MACROD2: variants seen among roughly 807,000 people sequenced by gnomAD.
The protein encoded by MACROD2 is mono-ADP ribosylhydrolase 2.
MACROD2 carries 36 observed loss-of-function variants against 70.4 expected under a neutral mutation model. The observed-to-expected ratio is 0.51, with a 90% CI of 0.39 to 0.68. The LOEUF (loss-of-function observed/expected upper bound fraction) is 0.68. Among genes scored for constraint, MACROD2 ranks in the 30% least tolerant of loss-of-function variants. The probability of loss-of-function intolerance (pLI) is 0.00; values close to 1 mark genes in which losing one functional copy is unlikely to be tolerated. For missense variants in MACROD2, 496 were observed against 538.4 expected (o/e 0.92, Z 0.78); for synonymous variants, 172 against 178.8 (o/e 0.96, Z 0.30).
intron 5 of MACROD2, among the ~76,000 whole-genome samples, chr20:15,106,802 C>T (rs188937382): frequency 2.0e-4 from 31 of 152,056 alleles, no homozygotes; most frequent in African/African-American, 7.5e-4. Context: ...AAATATATCT[C>T]TTGAATTACA....
intron 5 of MACROD2, among the ~76,000 whole-genome samples, chr20:14,857,401 T>C (rs1438264890): frequency 6.6e-6 from 1 of 152,206 alleles, no homozygotes; most frequent in East Asian, 1.9e-4. Context: ...TTCTCATGTA[T>C]GCTGGGAGAT....
intron 3 of MACROD2, among the ~76,000 whole-genome samples, chr20:14,336,544 A>C (rs1266798038): frequency 1.3e-5 from 2 of 152,138 alleles, no homozygotes; most frequent in Admixed American, 6.6e-5. Context: ...AGATTTTCCT[A>C]TTATAAGTTG....
chr20:14,276,004 T>C (rs1158882867), intron 3 of MACROD2, among the ~76,000 whole-genome samples: 1 of 151,812 alleles, frequency 6.6e-6, no homozygotes, highest in African/African-American at 2.4e-5. Flanking sequence ...TGTGGAGAAA[T>C]AGGAACACTT....
At chr20:15,494,331 A>G (rs79992388) in intron 7 of MACROD2, among the ~76,000 whole-genome samples, 1 of 152,122 alleles carries the variant, frequency 6.6e-6, no homozygotes, top group Non-Finnish European at 1.5e-5. Context: ...CTGGATATAT[A>G]CTCAACAGAA....
At chr20:14,745,973 C>G (rs1291191988) in intron 5 of MACROD2, among the ~76,000 whole-genome samples, 1 of 152,156 alleles carries the variant, frequency 6.6e-6, no homozygotes, top group Non-Finnish European at 1.5e-5. Flanking sequence ...TCTGAAGGAA[C>G]AGTTTGAAGA....
intron 8 of MACROD2, among the ~76,000 whole-genome samples, chr20:15,813,064 A>G (rs976532923): frequency 1.3e-5 from 2 of 152,088 alleles, no homozygotes. Context: ...TATTTTTCCT[A>G]TATATTTTAT....
At chr20:14,661,745 C>A (rs1451171460) in intron 4 of MACROD2, among the ~76,000 whole-genome samples, 1 of 151,812 alleles carries the variant, frequency 6.6e-6, no homozygotes, top group African/African-American at 2.4e-5. Flanking sequence ...TTCCAATATT[C>A]CTATATTTTA....
chr20:15,080,325 G>A lies in MACROD2; in HGVS notation c.419-149615G>A, dbSNP rs146777605. On this transcript the variant is annotated intron_variant, in intron 5 of 17. Transcript: ENST00000684519. ...CTTGTTAAAGTCAATGTTAAAGTCA[G>A]CGATGAGTTCCCTCTTACCAAATAC... Among the ~76,000 whole-genome samples the A allele has an allele frequency of 1.3e-3, 202 of 152,154 alleles. 1 individual carries two copies. Among genetic ancestry groups the A allele is most frequent in the African/African-American group, 4.4e-3 (183 of 41,546 alleles).
chr20:14,700,003 GAAGTTTAAAGTTTAAATCTA>G, intron 5 of MACROD2, among the ~76,000 whole-genome samples: 3 of 145,162 alleles, frequency 2.1e-5, no homozygotes, highest in African/African-American at 8.3e-5. Flanking sequence ...TTTAAATCTA[GAAGTTTAAAGTTTAAATCTA>G]GAAGTTTAAA....
chr20:15,749,066 T>G (rs1012480685), intron 8 of MACROD2, among the ~76,000 whole-genome samples: 3 of 152,168 alleles, frequency 2.0e-5, no homozygotes, highest in Non-Finnish European at 4.4e-5. Context: ...ATTATTTTCA[T>G]GTCTCCATGA....
chr20:14,734,215 G>A (rs2071630669), intron 5 of MACROD2, among the ~76,000 whole-genome samples: 1 of 151,770 alleles, frequency 6.6e-6, no homozygotes, highest in African/African-American at 2.4e-5. Flanking sequence ...TTAACAATAA[G>A]GGGCCGGGCG....
intron 8 of MACROD2, among the ~76,000 whole-genome samples, chr20:15,706,650 G>A (rs973098684): frequency 3.3e-5 from 5 of 152,228 alleles, no homozygotes; most frequent in Admixed American, 2.0e-4. Context: ...TGAGGAAACC[G>A]AATCCCAAAA....
chr20:15,568,114 G>T (rs191582467), intron 8 of MACROD2, among the ~76,000 whole-genome samples: 1 of 152,244 alleles, frequency 6.6e-6, no homozygotes. Flanking sequence ...TTTCTACATA[G>T]GAAAAGCCCT....
At chr20:15,392,636 A>G (rs934119317) in intron 6 of MACROD2, among the ~76,000 whole-genome samples, 7 of 152,112 alleles carry the variant, frequency 4.6e-5, no homozygotes, top group African/African-American at 1.7e-4. Flanking sequence ...GGAAGTTCCT[A>G]ACTTCTGTTT....
intron 2 of MACROD2, among the ~76,000 whole-genome samples, chr20:14,072,646 T>C (rs375045343): frequency 2.0e-5 from 3 of 151,936 alleles, no homozygotes; most frequent in Admixed American, 6.6e-5. Flanking sequence ...TAGAAGAGCA[T>C]GTAGATTGGC....
At chr20:14,815,523 A>T (rs1269696354) in intron 5 of MACROD2, among the ~76,000 whole-genome samples, 2 of 151,984 alleles carry the variant, frequency 1.3e-5, no homozygotes, top group Non-Finnish European at 2.9e-5. Context: ...ACATGTGCAT[A>T]TTTATCTGCC....
intron 8 of MACROD2, among the ~76,000 whole-genome samples, chr20:15,518,418 G>A (rs2047599757): frequency 6.6e-6 from 1 of 152,186 alleles, no homozygotes; most frequent in South Asian, 2.1e-4. Context: ...CAACCACTGG[G>A]AAAATACCAT....
intron 5 of MACROD2, among the ~76,000 whole-genome samples, chr20:15,214,042 C>T (rs182406814): frequency 6.6e-6 from 1 of 152,002 alleles, no homozygotes; most frequent in African/African-American, 2.4e-5. Context: ...ATGGCTCCCA[C>T]CCCCTTCTTT....
At chr20:15,828,826 C>T (rs1264017868) in intron 8 of MACROD2, among the ~76,000 whole-genome samples, 1 of 152,182 alleles carries the variant, frequency 6.6e-6, no homozygotes, top group Non-Finnish European at 1.5e-5. Flanking sequence ...ACTTAAATAT[C>T]TATTGAATAA....
Sources: gnomAD v4.1 joint callset for allele counts (sites outside exome capture counted in the v4.1 genomes callset) on GRCh38, gnomAD v4.1.1 for gene constraint, MANE v1.5 for transcripts, NCBI Gene and HGNC (gene_info 2026-07-23, HGNC 2026-07-21) for gene names.